The following PPP1R13B variants were observed in gnomAD, a reference collection of about 807,000 sequenced individuals.
The protein encoded by PPP1R13B is apoptosis-stimulating of p53 protein 1.
PPP1R13B carries 44 observed loss-of-function variants against 119.8 expected under a neutral mutation model. That is an observed-to-expected ratio of 0.37 (90% CI 0.29 to 0.47). The LOEUF is 0.47. Ranked by LOEUF, PPP1R13B falls within the 20% of genes least tolerant of loss-of-function variation. The pLI, the probability that PPP1R13B is intolerant of heterozygous loss-of-function variation, is 0.99. For missense variants in PPP1R13B, 1,227 were observed against 1,413.5 expected (o/e 0.87, Z 2.12); for synonymous variants, 542 against 561.5 (o/e 0.97, Z 0.49).
At chr14:103,758,982 G>A (rs898536676) in intron 4 of PPP1R13B, among the ~76,000 whole-genome samples, 16 of 149,390 alleles carry the variant, frequency 1.1e-4, no homozygotes, top group Admixed American at 1.3e-4. Flanking sequence ...TTCTTGAGAC[G>A]GAGTCTCGCT....
intron 1 of PPP1R13B, among the ~76,000 whole-genome samples, chr14:103,826,172 C>T (rs777190821): frequency 1.2e-4 from 18 of 152,110 alleles, no homozygotes; most frequent in Admixed American, 2.0e-4. Context: ...CCACCACACT[C>T]GGCCAAACAT....
Position 103,797,416 on chromosome 14 carries a change from G to C in PPP1R13B, c.112C>G (p.Pro38Ala), listed in dbSNP as rs575637256. 1.9e-6 allele frequency: 3 copies of C among 1,613,916 alleles called. No individual in the cohort carries two copies. Among genetic ancestry groups the C allele is most frequent in the Non-Finnish European group, 2.5e-6 (3 of 1,179,956 alleles). Residue 38 changes from proline to alanine, a missense_variant, in exon 2 of 17, where the codon CCT (proline) becomes GCT (alanine). Pro to Ala is a conservative substitution (Grantham distance 27). Transcript: ENST00000202556. ...CRDVVEFCKE[P>A]GEGSCHLAEV... The stretch of plus-strand genomic sequence containing the variant: ...GCTAAATGGCAGCTGCCTTCTCCAG[G>C]TTCCTTGCAAAATTCTACAACATCT...
intron 1 of PPP1R13B, among the ~76,000 whole-genome samples, chr14:103,808,521 A>G (rs930323336): frequency 6.6e-6 from 1 of 152,246 alleles, no homozygotes; most frequent in Non-Finnish European, 1.5e-5. Context: ...GTTGGGCTGC[A>G]TTCAAAGCTG....
chr14:103,802,598 G>C (rs776767735), intron 1 of PPP1R13B, among the ~76,000 whole-genome samples: 1 of 152,132 alleles, frequency 6.6e-6, no homozygotes, highest in Admixed American at 6.5e-5. Flanking sequence ...TATAGCACGC[G>C]TAAAGCAGTA....
intron 1 of PPP1R13B, among the ~76,000 whole-genome samples, chr14:103,835,641 C>CTTTG (rs1415601361): frequency 6.6e-6 from 1 of 151,460 alleles, no homozygotes; most frequent in African/African-American, 2.4e-5. Context: ...CGGAGTCTCG[C>CTTTG]TTTGCCGCCC....
chr14:103,778,674 G>A (rs912221803), intron 4 of PPP1R13B, 71 bp downstream of exon 4: 1 of 1,293,086 alleles, frequency 7.7e-7, no homozygotes, highest in Non-Finnish European at 1.1e-6. Flanking sequence ...CCAAAGTGCT[G>A]AGATTACAGG....
At chr14:103,831,194 C>T (rs1370067966) in intron 1 of PPP1R13B, among the ~76,000 whole-genome samples, 2 of 151,960 alleles carry the variant, frequency 1.3e-5, no homozygotes, top group African/African-American at 4.8e-5. Context: ...CTGCCCACCT[C>T]GACCTCCCAA....
rs759524713 is a variant in PPP1R13B at position 103,818,321 on chromosome 14, T to G, written c.10-20803A>C. ...GCCCTTATAAAACCCATCTACAATTTGTAGAATTTCAATACCATCCCTTTT... is the reference window on the plus strand; with the variant it reads ...GCCCTTATAAAACCCATCTACAATTGGTAGAATTTCAATACCATCCCTTTT... On this transcript the variant is annotated intron_variant, in intron 1 of 16. Transcript: ENST00000202556. 1.4e-4 allele frequency among the ~76,000 whole-genome samples: 21 copies of G among 152,318 alleles called. No individual in the cohort carries two copies. In the South Asian group the frequency reaches 2.1e-3, roughly 15 times the overall value.
chr14:103,748,211 C>CCT (rs1299385390), intron 8 of PPP1R13B, among the ~76,000 whole-genome samples: 1 of 152,194 alleles, frequency 6.6e-6, no homozygotes, highest in Admixed American at 6.5e-5. Context: ...GTGCTTGCAG[C>CCT]CTCTCTCTCA....
At chr14:103,847,032 G>A (rs2087058325) in intron 1 of PPP1R13B, 3 of 1,084,654 alleles carry the variant, frequency 2.8e-6, no homozygotes, top group African/African-American at 1.7e-5. Context: ...GAGATGACCG[G>A]CCCCAAATGC....
chr14:103,792,947 T>A (rs2085660022), intron 2 of PPP1R13B, among the ~76,000 whole-genome samples: 1 of 151,872 alleles, frequency 6.6e-6, no homozygotes, highest in African/African-American at 2.4e-5. Flanking sequence ...GGCGCATGCC[T>A]GTAGTCCCAG....
At chr14:103,802,745 CATGAGTAAGTTCAATATG>C (rs2152048496) in intron 1 of PPP1R13B, among the ~76,000 whole-genome samples, 2 of 152,238 alleles carry the variant, frequency 1.3e-5, no homozygotes, top group African/African-American at 4.8e-5. Flanking sequence ...CTCTTCAGCT[CATGAGTAAGTTCAATATG>C]ATGAGGGAGG....
Position 103,736,045 on chromosome 14 carries a change from G to A in PPP1R13B, c.3189C>T (p.Arg1063=), listed in dbSNP as rs756359242. 13 of 1,614,164 alleles carry A rather than the reference G, an allele frequency of 8.1e-6. No homozygotes were observed. In the East Asian group the frequency reaches 2.9e-4, roughly 36 times the overall value. ...GCACATAGCCCTCCCGGTCTCCAAG[G>A]CGAGCCCACCACCACTCAGTCTCGC... ...DESETEWWWA[R]LGDREGYVPK... Residue 1063 remains arginine (R), a synonymous_variant, in exon 16 of 17, where the codon CGC becomes CGT. Coordinates refer to ENST00000202556, the MANE Select transcript of PPP1R13B (RefSeq NM_015316.3).
At position 103,734,443 on chromosome 14, in the gene PPP1R13B, CGGA is replaced by C. The variant is rs1236762469; in HGVS notation, c.*708_*710del. The C allele has an allele frequency of 3.6e-5, 16 of 443,630 alleles. No individual in the cohort carries two copies. Among genetic ancestry groups the C allele is most frequent in the South Asian group, 1.1e-4 (7 of 63,154 alleles). The allele number at this position is 443,630 out of a possible 1,614,324, so 27.5% of individuals were successfully genotyped here. ...TGAGCAGCATGACAGGCTGTGAGAT[CGGA>C]GGAGAAGAGTATATGCTGAGGCTCT... On this transcript the variant is annotated 3_prime_UTR_variant, in exon 17 of 17. Coordinates refer to ENST00000202556, the MANE Select transcript of PPP1R13B (RefSeq NM_015316.3).
upstream of PPP1R13B, among the ~76,000 whole-genome samples, chr14:103,848,735 G>A (rs897750867): frequency 1.3e-5 from 2 of 151,342 alleles, no homozygotes; most frequent in Non-Finnish European, 2.9e-5. Flanking sequence ...AAGGGAGGAG[G>A]CCAGGGAGCT....
chr14:103,837,953 T>C (rs2086815671), intron 1 of PPP1R13B, among the ~76,000 whole-genome samples: 1 of 152,134 alleles, frequency 6.6e-6, no homozygotes, highest in Non-Finnish European at 1.5e-5. Flanking sequence ...ACCCCATCTC[T>C]AATAAAAATA....
intron 4 of PPP1R13B, 45 bp downstream of exon 4, chr14:103,778,700 C>G: frequency 1.3e-6 from 2 of 1,517,352 alleles, no homozygotes; most frequent in South Asian, 2.2e-5. Context: ...CCCACTGCAC[C>G]TAGCCATCAA....
chr14:103,813,385 C>T (rs2086204958), intron 1 of PPP1R13B, among the ~76,000 whole-genome samples: 2 of 152,104 alleles, frequency 1.3e-5, no homozygotes, highest in South Asian at 4.1e-4. Flanking sequence ...TTTGGCTGTG[C>T]CCCACCCAAA....
chr14:103,771,719 G>A (rs945529878), intron 4 of PPP1R13B, among the ~76,000 whole-genome samples: 10 of 152,014 alleles, frequency 6.6e-5, no homozygotes, highest in Non-Finnish European at 1.5e-4. Flanking sequence ...GACCTCAGGT[G>A]ACCCACCCAC....
Sources: allele counts gnomAD v4.1 joint callset (sites outside exome capture counted in the v4.1 genomes callset), GRCh38; gene constraint gnomAD v4.1.1; transcripts MANE v1.5; gene names NCBI Gene and HGNC (gene_info 2026-07-23, HGNC 2026-07-21).